Variants in OSBPL2 observed in about 807,000 individuals in gnomAD.
OSBPL2 encodes the protein oxysterol binding protein like 2.
OSBPL2 carries 18 observed loss-of-function variants against 58.4 expected under a neutral mutation model. The ratio of observed to expected loss-of-function variants is 0.31; its 90% CI spans 0.21 to 0.46. The LOEUF is 0.46. OSBPL2 is among the 20% of genes least tolerant of loss of function. The pLI is 1.00. For missense variants in OSBPL2, 461 were observed against 616.5 expected, an observed-to-expected ratio of 0.75 and a Z score of 2.67; for synonymous variants, 221 against 234.1, an observed-to-expected ratio of 0.94 and a Z score of 0.51.
chr20:62,283,228 T>G (rs548200576), intron 9 of OSBPL2, among the ~76,000 whole-genome samples: 14 of 152,312 alleles, frequency 9.2e-5, no homozygotes, highest in African/African-American at 3.4e-4. Context: ...TGGTTTTCCA[T>G]CCTAAATTTA....
At chr20:62,239,571 C>G (rs576452443) in intron 1 of OSBPL2, among the ~76,000 whole-genome samples, 68 of 152,346 alleles carry the variant, frequency 4.5e-4, no homozygotes, top group Non-Finnish European at 9.6e-4. Flanking sequence ...CCCGGAACAC[C>G]TGGAGAAGGG....
Position 62,287,705 on chromosome 20 carries a change from G to A in OSBPL2, c.1125+994G>A, listed in dbSNP as rs532443646. 4.6e-5 allele frequency among the ~76,000 whole-genome samples: 7 copies of A among 152,320 alleles called. No homozygotes were observed. In the East Asian group the frequency reaches 1.3e-3, roughly 29 times the overall value. On this transcript the variant is annotated intron_variant, in intron 11 of 13. Coordinates refer to ENST00000313733, the MANE Select transcript of OSBPL2 (RefSeq NM_144498.4). The stretch of plus-strand genomic sequence containing the variant: ...TCCTGGCCTCAAGCATTATCTTCCT[G>A]CCTTGGCCTCCTGAGTTGCTGGGAC...
chr20:62,255,845 T>A (rs1980887451), intron 1 of OSBPL2, among the ~76,000 whole-genome samples: 1 of 152,232 alleles, frequency 6.6e-6, no homozygotes, highest in Admixed American at 6.5e-5. Context: ...TAGGGCTGAA[T>A]TATTGGTCTG....
At chr20:62,263,207 T>G (rs898754079) in intron 3 of OSBPL2, among the ~76,000 whole-genome samples, 31 of 152,114 alleles carry the variant, frequency 2.0e-4, no homozygotes, top group Non-Finnish European at 3.8e-4. Flanking sequence ...CGGAACAGCT[T>G]TTAATTCAGG....
Position 62,281,170 on chromosome 20 carries a change from C to T in OSBPL2, c.782+5C>T, listed in dbSNP as rs752175565. The T allele has an allele frequency of 2.5e-6, 4 of 1,597,466 alleles. No individual in the cohort carries two copies. The highest frequency in any genetic ancestry group is 3.4e-6 in the Non-Finnish European group (4 of 1,165,452). ...AGTGGAGATTTTAAACCACAGGTGACAGCACCCCACCGTTGGGTGAGAGCG... is the reference window on the plus strand; with the variant it reads ...AGTGGAGATTTTAAACCACAGGTGATAGCACCCCACCGTTGGGTGAGAGCG... On this transcript the variant is annotated splice_donor_5th_base_variant and intron_variant, in intron 8 of 13. Coordinates refer to ENST00000313733, the MANE Select transcript of OSBPL2 (RefSeq NM_144498.4).
At chr20:62,286,756 C>T in intron 11 of OSBPL2, 45 bp downstream of exon 11, 1 of 1,581,834 alleles carries the variant, frequency 6.3e-7, no homozygotes, top group South Asian at 1.1e-5. Context: ...GCTCATGTCA[C>T]ACCCACCTCT....
chr20:62,243,084 T>C (rs1373313721), intron 1 of OSBPL2, among the ~76,000 whole-genome samples: 1 of 152,220 alleles, frequency 6.6e-6, no homozygotes. Context: ...ACTTCCATTA[T>C]TGCCTTAAAA....
At chr20:62,280,005 C>G (rs1273072112) in intron 7 of OSBPL2, 1 of 1,304,100 alleles carries the variant, frequency 7.7e-7, no homozygotes, top group Non-Finnish European at 1.0e-6. Flanking sequence ...GCTCCCCAAT[C>G]CAGTGTCAAC....
intron 1 of OSBPL2, among the ~76,000 whole-genome samples, chr20:62,255,513 A>G (rs1012384601): frequency 3.3e-5 from 5 of 151,220 alleles, no homozygotes; most frequent in East Asian, 2.0e-4. Context: ...TTATTTGTTT[A>G]TTTATTTCGA....
At chr20:62,279,841 G>A in intron 7 of OSBPL2, 1 of 583,840 alleles carries the variant, frequency 1.7e-6, no homozygotes, top group Non-Finnish European at 2.2e-6. Flanking sequence ...CACAGGGGGA[G>A]AGAGCTGAGA....
intron 5 of OSBPL2, among the ~76,000 whole-genome samples, chr20:62,272,503 C>G (rs950870281): frequency 8.5e-5 from 13 of 152,308 alleles, no homozygotes; most frequent in African/African-American, 3.1e-4. Flanking sequence ...CGCCTCCTGC[C>G]GGGAGACTCC....
At position 62,288,663 on chromosome 20, in the gene OSBPL2, G is replaced by A. The variant is rs1391296025; in HGVS notation, c.1126-544G>A. On this transcript the variant is annotated intron_variant, in intron 11 of 13. Transcript: ENST00000313733. This position sits in a 1 kb window ranked among gnomAD's most constrained non-coding sequence, Gnocchi z 4.8. ...TGCTCGGGTGTGCTGTCCACAAGAC[G>A]CCGAGCAGACAGCTGCGAGCCAGAA... 6.6e-6 allele frequency among the ~76,000 whole-genome samples: 1 copy of A among 152,156 alleles called. No homozygotes were observed. The highest frequency in any genetic ancestry group is 2.4e-5 in the African/African-American group (1 of 41,426).
chr20:62,281,545 G>A lies in OSBPL2; in HGVS notation c.783-245G>A, dbSNP rs192431209. Reference sequence around the variant, plus strand: ...TTCACCACTTTAGTGAGGTATAATCGATGCATCATAAGACTCGCCCATTCT... The same window carrying A: ...TTCACCACTTTAGTGAGGTATAATCAATGCATCATAAGACTCGCCCATTCT... On this transcript the variant is annotated intron_variant, in intron 8 of 13. Transcript: ENST00000313733. 2.2e-4 allele frequency: 116 copies of A among 521,200 alleles called. No individual in the cohort carries two copies. The East Asian group carries it at 2.8e-3, about 13-fold the overall frequency. 32.3% of individuals were successfully genotyped at this position (521,200 alleles called of 1,614,324 possible).
Position 62,269,058 on chromosome 20 carries a change from C to CA in OSBPL2, c.259-3053dup, listed in dbSNP as rs56127103. ...TAGGCGACAGTGTGAGACTCCAACT[C>CA]AAAAAAAAAAAAAATGTTTTTTTGT... On this transcript the variant is annotated intron_variant, in intron 4 of 13. Coordinates refer to ENST00000313733, the MANE Select transcript of OSBPL2 (RefSeq NM_144498.4). The surrounding 1 kb of genome is among the most constrained non-coding windows in gnomAD (Gnocchi z 4.2). Among the ~76,000 whole-genome samples the CA allele has an allele frequency of 0.037, 4,989 of 135,674 alleles. 118 individuals are homozygous for CA. Among genetic ancestry groups the CA allele is most frequent in the Non-Finnish European group, 0.06 (3,776 of 62,514 alleles). 89.0% of individuals were successfully genotyped at this position (135,674 alleles called of 152,430 possible).
intron 1 of OSBPL2, among the ~76,000 whole-genome samples, chr20:62,245,086 G>A (rs1980012200): frequency 6.6e-6 from 1 of 151,720 alleles, no homozygotes; most frequent in Admixed American, 6.6e-5. Flanking sequence ...TAGGATAAAG[G>A]GCTGAAATCT....
rs79735057 is a variant in OSBPL2, at chr20:62,279,202, C to T, written c.537C>T (p.His179=). The change falls in exon 7 of 14, where the codon CAC becomes CAT. Residue 179 remains histidine, a synonymous_variant. Transcript: ENST00000313733. Reference sequence around the variant, plus strand: ...TTATATCGGAACAGGTCAGTCACCACCCCCCCATCAGTGCGTTCCACTCGG... The same window carrying T: ...TTATATCGGAACAGGTCAGTCACCATCCCCCCATCAGTGCGTTCCACTCGG... The part of the protein sequence containing the change: ...FRFISEQVSH[H]PPISAFHSEG... 9.6e-5 allele frequency: 154 copies of T among 1,612,042 alleles called. No individual in the cohort carries two copies. The highest frequency in any genetic ancestry group is 1.1e-4 in the Non-Finnish European group (129 of 1,178,462).
chr20:62,248,561 G>A (rs1050716189), intron 1 of OSBPL2, among the ~76,000 whole-genome samples: 5 of 152,216 alleles, frequency 3.3e-5, no homozygotes, highest in African/African-American at 9.7e-5. Context: ...TGCCCTGCCT[G>A]TTTCTGATGG....
chr20:62,263,396 C>T (rs1169807668), intron 3 of OSBPL2, among the ~76,000 whole-genome samples: 1 of 152,166 alleles, frequency 6.6e-6, no homozygotes, highest in Non-Finnish European at 1.5e-5. Flanking sequence ...ACTGCAGAGT[C>T]ATCTTTGTTG....
chr20:62,250,360 C>A (rs555345758), intron 1 of OSBPL2, among the ~76,000 whole-genome samples: 4 of 152,188 alleles, frequency 2.6e-5, no homozygotes, highest in African/African-American at 9.7e-5. Context: ...TTGGAATTCA[C>A]TGTCGCACAT....
Sources: allele counts gnomAD v4.1 joint callset (sites outside exome capture counted in the v4.1 genomes callset), GRCh38; gene constraint gnomAD v4.1.1; non-coding constraint Gnocchi (gnomAD v3.1); transcripts MANE v1.5; gene names NCBI Gene and HGNC (gene_info 2026-07-23, HGNC 2026-07-21).